Variants in MED13L observed in about 807,000 individuals in gnomAD.
MED13L encodes mediator of RNA polymerase II transcription subunit 13-like.
Under a neutral mutation model 220.9 loss-of-function variants are expected in MED13L, and 7 were observed. The ratio of observed to expected loss-of-function variants is 0.03; its 90% CI spans 0.02 to 0.06. MED13L has a LOEUF of 0.06. Ranked by LOEUF, MED13L falls within the 10% of genes least tolerant of loss-of-function variation. The pLI is 1.00. For synonymous variants in MED13L, 1,011 were observed against 1,015.2 expected (o/e 1.00, Z 0.08); for missense variants, 1,965 against 2,760.5 (o/e 0.71, Z 6.46).
rs1370152377 is a variant in MED13L at position 115,960,944 on chromosome 12, A to ACT, written c.*320_*321dup. 4 of 391,022 alleles carry ACT rather than the reference A, an allele frequency of 1.0e-5. No individual in the cohort carries two copies. The highest frequency in any genetic ancestry group is 8.2e-4 in the Middle Eastern group (1 of 1,216). 24.2% of individuals were successfully genotyped at this position (391,022 alleles called of 1,614,324 possible). A position where few individuals can be genotyped will look rare whatever the true frequency, so the allele number is the denominator to read the frequency against. On this transcript the variant is annotated 3_prime_UTR_variant, in exon 31 of 31. Transcript: ENST00000281928. ...AACACAGACTCTTGTGCAAAAGGAC[A>ACT]CTGTCTCTTCTGTTTCCCGCTGAAA...
intron 4 of MED13L, among the ~76,000 whole-genome samples, chr12:116,024,422 G>A: frequency 6.6e-6 from 1 of 152,112 alleles, no homozygotes; most frequent in East Asian, 1.9e-4. Context: ...AAGAAGAAAA[G>A]AACAAATGAA....
rs377166683 is a variant in MED13L at position 116,226,934 on chromosome 12, T to C, written c.310+10534A>G. Reference sequence around the variant, plus strand: ...GGGTTTTTTAAGAGGAAAAAAATATTTACGTGTTATTTCTACCATTAAGGT... The same window carrying C: ...GGGTTTTTTAAGAGGAAAAAAATATCTACGTGTTATTTCTACCATTAAGGT... On this transcript the variant is annotated intron_variant, in intron 2 of 30. Transcript: ENST00000281928. Among the ~76,000 whole-genome samples the C allele has an allele frequency of 1.6e-3, 243 of 151,546 alleles. 3 individuals carry two copies. In the South Asian group the frequency reaches 0.024, roughly 15 times the overall value.
intron 4 of MED13L, among the ~76,000 whole-genome samples, chr12:116,092,214 A>T (rs929336317): frequency 6.6e-6 from 1 of 152,220 alleles, no homozygotes; most frequent in Non-Finnish European, 1.5e-5. Context: ...ATAGCTACTG[A>T]TCTCATTTTT....
At chr12:116,276,652 G>A in intron 1 of MED13L, 22 of 1,193,230 alleles carry the variant, frequency 1.8e-5, no homozygotes, top group Non-Finnish European at 2.3e-5. Flanking sequence ...ATCCAACAAC[G>A]GGGGAAGAGG....
chr12:116,262,725 A>C (rs1359476967), intron 1 of MED13L, among the ~76,000 whole-genome samples: 2 of 152,214 alleles, frequency 1.3e-5, no homozygotes, highest in Non-Finnish European at 2.9e-5. Flanking sequence ...ATTAGCTTAT[A>C]TATAACAAAC....
chr12:116,047,291 C>T (rs1301123189), intron 4 of MED13L, among the ~76,000 whole-genome samples: 2 of 152,074 alleles, frequency 1.3e-5, no homozygotes, highest in African/African-American at 4.8e-5. Flanking sequence ...AAGGTCAAGG[C>T]AACAGTGAGC....
Position 115,959,858 on chromosome 12 carries a change from T to G in MED13L, c.*1408A>C, listed in dbSNP as rs1486394351. ...TCCTTTTTTGTTAATAACCAGGACA[T>G]GGAAGTCTCTTGGAAGAACTTTTAA... is the stretch of plus-strand genomic sequence containing the variant. On this transcript the variant is annotated 3_prime_UTR_variant, in exon 31 of 31. Coordinates refer to ENST00000281928, the MANE Select transcript of MED13L (RefSeq NM_015335.5). The G allele has an allele frequency of 6.6e-6, 1 of 152,616 alleles. No homozygotes were observed. The highest frequency in any genetic ancestry group is 1.5e-5 in the Non-Finnish European group (1 of 68,036). 9.5% of individuals were successfully genotyped at this position (152,616 alleles called of 1,614,324 possible). A position where few individuals can be genotyped will look rare whatever the true frequency, so the allele number is the denominator to read the frequency against.
intron 1 of MED13L, among the ~76,000 whole-genome samples, chr12:116,253,046 G>A (rs1032435434): frequency 1.2e-4 from 18 of 152,128 alleles, no homozygotes; most frequent in Non-Finnish European, 2.4e-4. Context: ...TGGATCACCT[G>A]AGGTCAGGAG....
intron 1 of MED13L, among the ~76,000 whole-genome samples, chr12:116,275,105 TATG>T (rs983486307): frequency 5.9e-5 from 9 of 152,208 alleles, no homozygotes; most frequent in African/African-American, 2.2e-4. Flanking sequence ...CAGCATAATA[TATG>T]ATAATTTGGG....
intron 4 of MED13L, among the ~76,000 whole-genome samples, chr12:116,062,388 A>G (rs921496013): frequency 6.6e-6 from 1 of 151,970 alleles, no homozygotes; most frequent in Non-Finnish European, 1.5e-5. Context: ...ACCTGAGCTC[A>G]AGCAATCTGC....
intron 23 of MED13L, among the ~76,000 whole-genome samples, chr12:115,979,847 G>GA (rs1276074271): frequency 6.6e-6 from 1 of 152,124 alleles, no homozygotes; most frequent in Non-Finnish European, 1.5e-5. Context: ...AAGGTGATTA[G>GA]AAAAACAAAG....
chr12:116,032,235 T>C (rs561250711), intron 4 of MED13L, among the ~76,000 whole-genome samples: 2 of 152,298 alleles, frequency 1.3e-5, no homozygotes, highest in African/African-American at 4.8e-5. Flanking sequence ...TTCTAATCAA[T>C]AGCCCAAGTT....
chr12:116,247,022 C>T (rs1357362939), intron 1 of MED13L, among the ~76,000 whole-genome samples: 2 of 151,902 alleles, frequency 1.3e-5, no homozygotes, highest in South Asian at 2.1e-4. Flanking sequence ...CCCTCCTCTT[C>T]GATAGTGGAA....
Position 116,009,032 on chromosome 12 carries a change from G to A in MED13L, c.1381C>T (p.Pro461Ser). 3 of 1,614,094 alleles carry A rather than the reference G, an allele frequency of 1.9e-6. No individual in the cohort carries two copies. Among genetic ancestry groups the A allele is most frequent in the Non-Finnish European group, 2.5e-6 (3 of 1,179,996 alleles). Reference protein sequence around the residue: ...AGPSSSSSLPPPASSKHKTAE... With the variant: ...AGPSSSSSLPSPASSKHKTAE... The stretch of plus-strand genomic sequence containing the variant: ...GTTTTGTGCTTAGAAGAAGCAGGAG[G>A]TGGTAAAGATGAAGATGATGATGGT... The change falls in exon 10 of 31, where the codon CCT becomes TCT. Residue 461 changes from proline to serine, a missense_variant. Transcript: ENST00000281928.
In MED13L at chr12:115,963,529, A is replaced by C; in HGVS notation, c.6388-10T>G. On this transcript the variant is annotated splice_polypyrimidine_tract_variant and intron_variant, in intron 29 of 30. Transcript: ENST00000281928. ...GGTGATGCAGCGAAGCCTGGTGAAA[A>C]AACAAAGAGAGTTACCTCTCTGGTC... 1 of 1,596,070 alleles carries C rather than the reference A, an allele frequency of 6.3e-7. No homozygotes were observed. Among genetic ancestry groups the C allele is most frequent in the Non-Finnish European group, 8.6e-7 (1 of 1,164,296 alleles).
At chr12:116,094,792 T>C (rs1297966727) in intron 4 of MED13L, among the ~76,000 whole-genome samples, 1 of 152,178 alleles carries the variant, frequency 6.6e-6, no homozygotes, top group Non-Finnish European at 1.5e-5. Context: ...TGCAGAGTCA[T>C]AAACATAAAA....
intron 4 of MED13L, among the ~76,000 whole-genome samples, chr12:116,024,745 A>G (rs1343398990): frequency 1.9e-5 from 2 of 106,238 alleles, no homozygotes; most frequent in African/African-American, 3.6e-5. Context: ...GGTTTCTTCT[A>G]GTAGTTTCAT....
intron 2 of MED13L, among the ~76,000 whole-genome samples, chr12:116,215,687 C>T (rs909869266): frequency 7.2e-5 from 11 of 152,060 alleles, no homozygotes; most frequent in African/African-American, 2.7e-4. Flanking sequence ...AATTTTAATA[C>T]CAATAAGTTA....
At chr12:116,234,804 C>T (rs924061319) in intron 2 of MED13L, among the ~76,000 whole-genome samples, 2 of 151,898 alleles carry the variant, frequency 1.3e-5, no homozygotes, top group Non-Finnish European at 2.9e-5. Flanking sequence ...ATTACAGGTG[C>T]ACGTCACCAC....
Sources: allele counts gnomAD v4.1 joint callset (sites outside exome capture counted in the v4.1 genomes callset), GRCh38; gene constraint gnomAD v4.1.1; transcripts MANE v1.5; gene names NCBI Gene and HGNC (gene_info 2026-07-23, HGNC 2026-07-21).